The following ST8SIA6 variants were observed in gnomAD, a reference collection of about 807,000 sequenced individuals.
ST8SIA6 encodes the protein ST8 alpha-N-acetyl-neuraminide alpha-2,8-sialyltransferase 6.
Under a neutral mutation model 33.6 loss-of-function variants are expected in ST8SIA6, and 39 were observed. The observed-to-expected ratio is 1.16, with a 90% CI of 0.90 to 1.52. ST8SIA6 has a LOEUF of 1.52. ST8SIA6 is among the 40% of genes most tolerant of loss of function. The pLI, the probability that ST8SIA6 is intolerant of heterozygous loss-of-function variation, is 0.00. For missense variants in ST8SIA6, 441 were observed against 443.8 expected (o/e 0.99, Z 0.06); for synonymous variants, 172 against 167.2 (o/e 1.03, Z -0.22).
chr10:17,422,326 T>C (rs906069270), intron 2 of ST8SIA6, among the ~76,000 whole-genome samples: 6 of 152,234 alleles, frequency 3.9e-5, no homozygotes, highest in Non-Finnish European at 5.9e-5. Flanking sequence ...CATTTTTGCC[T>C]GAAGCACCTC....
chr10:17,406,210 CAAAGACAAAAGGT>C, intron 2 of ST8SIA6, among the ~76,000 whole-genome samples: 1 of 152,292 alleles, frequency 6.6e-6, no homozygotes, highest in East Asian at 1.9e-4. Flanking sequence ...CAGAGAATTG[CAAAGACAAAAGGT>C]CTTCTACCCT....
intron 2 of ST8SIA6, among the ~76,000 whole-genome samples, chr10:17,407,298 G>T (rs1164895664): frequency 6.6e-6 from 1 of 152,178 alleles, no homozygotes; most frequent in Non-Finnish European, 1.5e-5. Context: ...CCCCTGTCCA[G>T]TTCAAACCAG....
At chr10:17,428,908 C>T (rs1461982146) in intron 2 of ST8SIA6, among the ~76,000 whole-genome samples, 2 of 152,128 alleles carry the variant, frequency 1.3e-5, no homozygotes, top group African/African-American at 4.8e-5. Flanking sequence ...GAAGTCAGTC[C>T]ATGATAACCT....
intron 4 of ST8SIA6, among the ~76,000 whole-genome samples, chr10:17,349,576 A>G (rs996378996): frequency 2.0e-5 from 3 of 152,248 alleles, no homozygotes; most frequent in African/African-American, 7.2e-5. Flanking sequence ...AAACTGGCTT[A>G]GCCTAATAAG....
At chr10:17,364,680 G>T (rs999455696) in intron 3 of ST8SIA6, among the ~76,000 whole-genome samples, 2 of 152,166 alleles carry the variant, frequency 1.3e-5, no homozygotes, top group Admixed American at 1.3e-4. Context: ...ATGGAAGCAT[G>T]GTTGTAACCA....
chr10:17,399,207 G>T (rs1461952381), intron 2 of ST8SIA6: 1 of 152,150 alleles, frequency 6.6e-6, no homozygotes, highest in South Asian at 2.1e-4. Flanking sequence ...AGAATGGTAA[G>T]TTCTGGAGAT....
intron 4 of ST8SIA6, among the ~76,000 whole-genome samples, chr10:17,335,590 T>C (rs540815952): frequency 8.5e-5 from 13 of 152,344 alleles, no homozygotes; most frequent in African/African-American, 3.1e-4. Context: ...TGTCACCCAC[T>C]TATTATTTCT....
chr10:17,373,911 A>C (rs967778793), intron 3 of ST8SIA6, among the ~76,000 whole-genome samples: 3 of 152,196 alleles, frequency 2.0e-5, no homozygotes, highest in Non-Finnish European at 4.4e-5. Context: ...TTTCTCTGAG[A>C]GAAAATTCAG....
At chr10:17,334,292 C>T (rs946862558) in intron 4 of ST8SIA6, among the ~76,000 whole-genome samples, 1 of 151,410 alleles carries the variant, frequency 6.6e-6, no homozygotes, top group Non-Finnish European at 1.5e-5. Flanking sequence ...GTAATCCCAG[C>T]ACTTTGGGAG....
At chr10:17,451,756 G>C in intron 2 of ST8SIA6, among the ~76,000 whole-genome samples, 1 of 151,970 alleles carries the variant, frequency 6.6e-6, no homozygotes, top group East Asian at 1.9e-4. Context: ...GTAGTATGGT[G>C]GATTAAAACT....
intron 4 of ST8SIA6, among the ~76,000 whole-genome samples, chr10:17,340,449 C>T (rs1349835257): frequency 6.6e-6 from 1 of 152,178 alleles, no homozygotes; most frequent in Admixed American, 6.5e-5. Context: ...CCTCTGCTCT[C>T]TTTAAAACAG....
chr10:17,355,437 G>C (rs956180954), intron 4 of ST8SIA6, among the ~76,000 whole-genome samples: 1 of 152,076 alleles, frequency 6.6e-6, no homozygotes, highest in South Asian at 2.1e-4. Context: ...AATTTATTGG[G>C]TACCATCTAT....
At position 17,318,528 on chromosome 10, in the gene ST8SIA6, C is replaced by G; in HGVS notation, c.*2350G>C. 2.6e-6 allele frequency: 1 copy of G among 379,542 alleles called. No individual in the cohort carries two copies. The highest frequency in any genetic ancestry group is 2.1e-5 in the South Asian group (1 of 48,274). 23.5% of individuals were successfully genotyped at this position (379,542 alleles called of 1,614,324 possible). A position where few individuals can be genotyped will look rare whatever the true frequency, so the allele number is the denominator to read the frequency against. ...ATTGCGCCTGGCCTAAAGGGCTGCT[C>G]TTGTCTAGTACCAGAACTCAGACTT... On this transcript the variant is annotated 3_prime_UTR_variant, in exon 8 of 8. Transcript: ENST00000377602.
intron 4 of ST8SIA6, among the ~76,000 whole-genome samples, chr10:17,333,717 A>ATATAT (rs1251981910): frequency 3.0e-4 from 10 of 33,754 alleles, no homozygotes; most frequent in Non-Finnish European, 3.3e-4. Context: ...ATATATATAT[A>ATATAT]TTTTTTTTTT....
At chr10:17,438,420 A>G (rs1429866402) in intron 2 of ST8SIA6, among the ~76,000 whole-genome samples, 1 of 152,172 alleles carries the variant, frequency 6.6e-6, no homozygotes, top group Non-Finnish European at 1.5e-5. Flanking sequence ...AGCTGGTAAC[A>G]TATACAAACA....
At chr10:17,409,612 C>T (rs1270205360) in intron 2 of ST8SIA6, 1 of 152,222 alleles carries the variant, frequency 6.6e-6, no homozygotes, top group Non-Finnish European at 1.5e-5. Flanking sequence ...CTGCAGTAAG[C>T]TGTGGTTGTA....
chr10:17,331,179 A>G (rs1848287119), intron 5 of ST8SIA6, among the ~76,000 whole-genome samples: 1 of 152,210 alleles, frequency 6.6e-6, no homozygotes, highest in Non-Finnish European at 1.5e-5. Context: ...AAGAGTCTGG[A>G]AGACAGGACT....
chr10:17,450,553 C>T (rs947937980), intron 2 of ST8SIA6, among the ~76,000 whole-genome samples: 1 of 152,168 alleles, frequency 6.6e-6, no homozygotes, highest in Non-Finnish European at 1.5e-5. Flanking sequence ...CGATTCTCAC[C>T]TCTCAGCCTC....
chr10:17,370,460 G>T (rs924395175), intron 3 of ST8SIA6, among the ~76,000 whole-genome samples: 7 of 151,926 alleles, frequency 4.6e-5, no homozygotes, highest in African/African-American at 1.5e-4. Context: ...ATTTTCTAAT[G>T]TAGCATCTTA....
Sources: gnomAD v4.1 joint callset for allele counts (sites outside exome capture counted in the v4.1 genomes callset) on GRCh38, gnomAD v4.1.1 for gene constraint, MANE v1.5 for transcripts, NCBI Gene and HGNC (gene_info 2026-07-23, HGNC 2026-07-21) for gene names.